SCYL2: variants seen among roughly 807,000 people sequenced by gnomAD.
SCYL2 encodes the protein SCY1-like protein 2.
SCYL2 carries 36 observed loss-of-function variants against 100.4 expected under a neutral mutation model. That is an observed-to-expected ratio of 0.36 (90% CI 0.27 to 0.47). The LOEUF (loss-of-function observed/expected upper bound fraction) is 0.47, where lower values mean the gene tolerates loss of function less well. Among genes scored for constraint, SCYL2 ranks in the 20% least tolerant of loss-of-function variants. SCYL2 has a pLI of 1.00. For missense variants in SCYL2, 902 were observed against 1,083.9 expected, an observed-to-expected ratio of 0.83 and a Z score of 2.36; for synonymous variants, 330 against 359.2, an observed-to-expected ratio of 0.92 and a Z score of 0.92.
At chr12:100,328,129 T>C (rs1036097177) in intron 12 of SCYL2, among the ~76,000 whole-genome samples, 5 of 152,082 alleles carry the variant, frequency 3.3e-5, no homozygotes, top group African/African-American at 1.2e-4. Context: ...AATACAATAA[T>C]TAGCCAGGTG....
chr12:100,278,124 G>A (rs55754408), intron 1 of SCYL2, among the ~76,000 whole-genome samples: 19,765 of 152,066 alleles, frequency 0.13, 1,594 homozygotes, highest in Non-Finnish European at 0.18. Flanking sequence ...GTATTATGAC[G>A]TGAAAAGTAT....
chr12:100,276,034 G>A (rs1241269282), intron 1 of SCYL2, among the ~76,000 whole-genome samples: 1 of 152,048 alleles, frequency 6.6e-6, no homozygotes, highest in African/African-American at 2.4e-5. Flanking sequence ...TTGGTCGTGG[G>A]GTTGGATGTG....
chr12:100,284,665 G>A (rs1421396568), intron 2 of SCYL2, among the ~76,000 whole-genome samples: 1 of 152,142 alleles, frequency 6.6e-6, no homozygotes, highest in Non-Finnish European at 1.5e-5. Flanking sequence ...GTTTCACCGT[G>A]TTGGCCAGAC....
chr12:100,308,536 A>G (rs2096337635), intron 4 of SCYL2, among the ~76,000 whole-genome samples: 1 of 152,216 alleles, frequency 6.6e-6, no homozygotes, highest in Non-Finnish European at 1.5e-5. Flanking sequence ...TACCTAATGT[A>G]GGTGACTGGT....
intron 8 of SCYL2, 107 bp from the exon 9 acceptor site, chr12:100,315,451 C>T (rs1017746963): frequency 1.2e-5 from 10 of 831,572 alleles, no homozygotes; most frequent in Middle Eastern, 3.8e-4. Context: ...TAAATTGTAT[C>T]GTCACGTTAC....
At chr12:100,302,019 C>A (rs1165041922) in intron 4 of SCYL2, among the ~76,000 whole-genome samples, 2 of 152,194 alleles carry the variant, frequency 1.3e-5, no homozygotes, top group African/African-American at 2.4e-5. Context: ...GGCAGCGGGT[C>A]CCCTTTGGCC....
intron 2 of SCYL2, among the ~76,000 whole-genome samples, chr12:100,284,663 G>A (rs1012306123): frequency 3.9e-5 from 6 of 152,066 alleles, no homozygotes; most frequent in Non-Finnish European, 8.8e-5. Context: ...GGGTTTCACC[G>A]TGTTGGCCAG....
intron 8 of SCYL2, 47 bp from the exon 9 acceptor site, chr12:100,315,511 C>A: frequency 6.7e-7 from 1 of 1,501,108 alleles, no homozygotes; most frequent in Non-Finnish European, 8.9e-7. Context: ...TACTAAAAAC[C>A]TTTAATAAAT....
intron 1 of SCYL2, among the ~76,000 whole-genome samples, chr12:100,272,731 G>C (rs138312781): frequency 6.6e-6 from 1 of 151,880 alleles, no homozygotes; most frequent in Non-Finnish European, 1.5e-5. Flanking sequence ...TCTTAGTTTC[G>C]TTCTTTTCTT....
intron 1 of SCYL2, among the ~76,000 whole-genome samples, chr12:100,270,778 T>C (rs2096286791): frequency 6.6e-6 from 1 of 152,082 alleles, no homozygotes; most frequent in Non-Finnish European, 1.5e-5. Flanking sequence ...CTCATGTTGC[T>C]TTTTAAATCT....
At position 100,283,059 on chromosome 12, in the gene SCYL2, G is replaced by C; in HGVS notation, c.89G>C (p.Arg30Thr). 6.2e-7 allele frequency: 1 copy of C among 1,613,590 alleles called. No individual in the cohort carries two copies. The highest frequency in any genetic ancestry group is 8.5e-7 in the Non-Finnish European group (1 of 1,179,772). The change falls in exon 2 of 18, where the codon AGA becomes ACA. Residue 30 changes from arginine to threonine, a missense_variant. Physicochemically the swap from Arg to Thr is moderately conservative, Grantham distance 71. Coordinates refer to ENST00000360820, the MANE Select transcript of SCYL2 (RefSeq NM_017988.6). ...TSAVMGNPVT[R>T]EFDVGRHIAS... is the part of the protein sequence containing the mutation. ...GCTGTAATGGGAAATCCTGTCACTA[G>C]AGAATTTGATGTTGGTCGACACATT... is the stretch of plus-strand genomic sequence containing the variant.
chr12:100,312,371 C>T, intron 5 of SCYL2, 61 bp from the exon 6 acceptor site: 2 of 1,226,390 alleles, frequency 1.6e-6, no homozygotes, highest in Non-Finnish European at 2.4e-6. Flanking sequence ...TAGATTACTA[C>T]TGCTTGATAG....
At chr12:100,320,276 G>C (rs1014485288) in intron 10 of SCYL2, among the ~76,000 whole-genome samples, 2 of 152,062 alleles carry the variant, frequency 1.3e-5, no homozygotes, top group Non-Finnish European at 2.9e-5. Context: ...TGGGTGCGGT[G>C]GCTCATGCCT....
rs78499679 is a variant in SCYL2, at chr12:100,290,412, A to G, written c.178-1091A>G. ...CTTACTCCTCTAATATCCTTAACTC[A>G]TTTATATACATAAGGAACCCTCATT... On this transcript the variant is annotated intron_variant, in intron 2 of 17. Transcript: ENST00000360820. Among the ~76,000 whole-genome samples the G allele has an allele frequency of 7.9e-3, 1,209 of 152,308 alleles. 16 individuals are homozygous for G. Among genetic ancestry groups the G allele is most frequent in the African/African-American group, 0.027 (1,111 of 41,560 alleles).
In SCYL2 at chr12:100,338,663, CCAA is replaced by C. The variant is rs1332765905; in HGVS notation, c.2283_2285del (p.Thr762del). The C allele has an allele frequency of 6.2e-7, 1 of 1,613,892 alleles. No homozygotes were observed. The highest frequency in any genetic ancestry group is 2.2e-5 in the East Asian group (1 of 44,900). On this transcript the variant is annotated inframe_deletion, in exon 18 of 18. Coordinates refer to ENST00000360820, the MANE Select transcript of SCYL2 (RefSeq NM_017988.6). ...GGGCATTGGTATGATGTTTTCTACA[CCAA>C]CTGATAATACAAAGAGAAATTTGAC...
intron 8 of SCYL2, among the ~76,000 whole-genome samples, chr12:100,315,046 C>T (rs1033294128): frequency 1.3e-5 from 2 of 152,082 alleles, no homozygotes; most frequent in African/African-American, 4.8e-5. Context: ...CTAATAATTC[C>T]TGGTTGTAAA....
chr12:100,300,686 T>C (rs1662666546), intron 4 of SCYL2, among the ~76,000 whole-genome samples: 1 of 152,138 alleles, frequency 6.6e-6, no homozygotes, highest in South Asian at 2.1e-4. Flanking sequence ...CCTTCTACTC[T>C]CCATCTCCAT....
At chr12:100,291,819 T>C in intron 3 of SCYL2, 159 bp downstream of exon 3, 1 of 630,242 alleles carries the variant, frequency 1.6e-6, no homozygotes, top group Non-Finnish European at 2.7e-6. Flanking sequence ...TTATTTGCAT[T>C]GTCTACGTAT....
chr12:100,283,774 T>C (rs936277423), intron 2 of SCYL2, among the ~76,000 whole-genome samples: 1 of 152,232 alleles, frequency 6.6e-6, no homozygotes, highest in Non-Finnish European at 1.5e-5. Flanking sequence ...GGTAAGTACA[T>C]TGAAGACTGA....
Sources: allele counts gnomAD v4.1 joint callset (sites outside exome capture counted in the v4.1 genomes callset), GRCh38; gene constraint gnomAD v4.1.1; transcripts MANE v1.5; gene names NCBI Gene and HGNC (gene_info 2026-07-23, HGNC 2026-07-21).